The following EVL variants were observed in gnomAD, a reference collection of about 807,000 sequenced individuals.
The protein encoded by EVL is ena/VASP-like protein.
EVL carries 21 observed loss-of-function variants against 59.6 expected under a neutral mutation model. The ratio of observed to expected loss-of-function variants is 0.35; its 90% CI spans 0.25 to 0.51. The LOEUF (loss-of-function observed/expected upper bound fraction) is 0.51. Ranked by LOEUF, EVL falls within the 20% of genes least tolerant of loss-of-function variation. The probability of loss-of-function intolerance (pLI) is 0.97; values close to 1 mark genes in which losing one functional copy is unlikely to be tolerated. For missense variants in EVL, 462 were observed against 546.6 expected (o/e 0.85, Z 1.54); for synonymous variants, 198 against 203.5 (o/e 0.97, Z 0.23).
At chr14:100,031,948 A>G (rs2061320952) in intron 1 of EVL, among the ~76,000 whole-genome samples, 1 of 152,258 alleles carries the variant, frequency 6.6e-6, no homozygotes, top group Non-Finnish European at 1.5e-5. Flanking sequence ...AGCAAGGAAG[A>G]TGAGCGCCCC....
intron 2 of EVL, among the ~76,000 whole-genome samples, chr14:100,086,909 A>G (rs575889187): frequency 3.3e-5 from 5 of 152,376 alleles, no homozygotes; most frequent in East Asian, 1.9e-4. Flanking sequence ...AAACCAAGAC[A>G]TTAGAGAAAA....
chr14:100,012,505 C>G (rs1220852723), intron 1 of EVL, among the ~76,000 whole-genome samples: 1 of 152,216 alleles, frequency 6.6e-6, no homozygotes, highest in Non-Finnish European at 1.5e-5. Context: ...GCTGCACTTG[C>G]TTATTCAAAA....
chr14:100,001,821 A>C (rs968371094), intron 1 of EVL, among the ~76,000 whole-genome samples: 2 of 152,214 alleles, frequency 1.3e-5, no homozygotes, highest in African/African-American at 4.8e-5. Flanking sequence ...TTGGCTCTGT[A>C]AGTTAAGTTT....
chr14:99,973,435 C>T (rs1416466669), intron 1 of EVL, among the ~76,000 whole-genome samples: 1 of 152,168 alleles, frequency 6.6e-6, no homozygotes, highest in Non-Finnish European at 1.5e-5. Context: ...AGTGCCTGTT[C>T]AGATATCTTG....
intron 1 of EVL, among the ~76,000 whole-genome samples, chr14:100,026,761 A>G (rs938112271): frequency 1.3e-5 from 2 of 152,156 alleles, no homozygotes; most frequent in African/African-American, 4.8e-5. Context: ...CCTACCAACT[A>G]CTGCTGACAG....
chr14:100,056,898 TGATTATAAAA>T (rs576140661), intron 1 of EVL, among the ~76,000 whole-genome samples: 10,684 of 152,196 alleles, frequency 0.07, 520 homozygotes, highest in African/African-American at 0.13. Context: ...TGCCCACAAT[TGATTATAAAA>T]GATGAATAAA....
chr14:100,042,743 GA>G (rs1457071855), intron 1 of EVL, among the ~76,000 whole-genome samples: 2 of 152,188 alleles, frequency 1.3e-5, no homozygotes, highest in African/African-American at 4.8e-5. Context: ...AACGTTTGTG[GA>G]GGCTAAAGCC....
intron 1 of EVL, among the ~76,000 whole-genome samples, chr14:99,979,947 T>C (rs1467675752): frequency 6.6e-6 from 1 of 152,244 alleles, no homozygotes; most frequent in African/African-American, 2.4e-5. Flanking sequence ...TATTTTTTCT[T>C]GTCATTATCC....
chr14:99,992,244 A>G (rs1054491647), intron 1 of EVL, among the ~76,000 whole-genome samples: 104 of 152,104 alleles, frequency 6.8e-4, no homozygotes, highest in Non-Finnish European at 4.7e-4. Flanking sequence ...GGTTGTGTGT[A>G]TATCTTCTTT....
intron 1 of EVL, among the ~76,000 whole-genome samples, chr14:100,057,499 G>A (rs545728352): frequency 6.7e-6 from 1 of 148,432 alleles, no homozygotes; most frequent in African/African-American, 2.5e-5. Flanking sequence ...TTTGGAGTTT[G>A]TTTTTTTTTT....
intron 1 of EVL, among the ~76,000 whole-genome samples, chr14:100,053,406 G>A (rs2061677421): frequency 6.6e-6 from 1 of 151,726 alleles, no homozygotes; most frequent in Non-Finnish European, 1.5e-5. Flanking sequence ...ATGCTTATAC[G>A]TATTTTTCTT....
At chr14:99,995,380 C>A (rs1462678361) in intron 1 of EVL, among the ~76,000 whole-genome samples, 1 of 152,074 alleles carries the variant, frequency 6.6e-6, no homozygotes, top group Non-Finnish European at 1.5e-5. Flanking sequence ...ACTTTGAGTT[C>A]GGTGGTTCTG....
At chr14:100,019,919 T>G (rs1226185504) in intron 1 of EVL, among the ~76,000 whole-genome samples, 1 of 152,182 alleles carries the variant, frequency 6.6e-6, no homozygotes, top group Non-Finnish European at 1.5e-5. Flanking sequence ...TGATCATGGG[T>G]GAATTTGTCC....
chr14:99,996,360 T>G (rs2060914206), intron 1 of EVL, among the ~76,000 whole-genome samples: 1 of 152,168 alleles, frequency 6.6e-6, no homozygotes, highest in Non-Finnish European at 1.5e-5. Flanking sequence ...TCTGGTGTTT[T>G]CTATTCCATC....
At chr14:99,998,697 A>G in intron 1 of EVL, among the ~76,000 whole-genome samples, 1 of 152,214 alleles carries the variant, frequency 6.6e-6, no homozygotes, top group East Asian at 1.9e-4. Context: ...ACAAACATAT[A>G]TACAGATAAA....
At chr14:100,092,481 T>C (rs1595164687) in intron 2 of EVL, among the ~76,000 whole-genome samples, 1 of 151,998 alleles carries the variant, frequency 6.6e-6, no homozygotes, top group East Asian at 1.9e-4. Flanking sequence ...ACACCCATAA[T>C]CCCAACACTT....
At chr14:100,105,418 G>A (rs1016194813) in intron 3 of EVL, among the ~76,000 whole-genome samples, 1 of 152,002 alleles carries the variant, frequency 6.6e-6, no homozygotes, top group Non-Finnish European at 1.5e-5. Context: ...TCTGCTGACT[G>A]TGTGACTTCA....
At chr14:100,051,465 C>G (rs1293805672) in intron 1 of EVL, among the ~76,000 whole-genome samples, 1 of 152,174 alleles carries the variant, frequency 6.6e-6, no homozygotes. Flanking sequence ...AATCTCTTTT[C>G]CTTCTTAAAT....
chr14:99,974,978 C>G (rs1047802996), intron 1 of EVL: 1 of 152,708 alleles, frequency 6.5e-6, no homozygotes, highest in Non-Finnish European at 1.5e-5. Context: ...ATCTTCATGT[C>G]CTTGACTATG....
Sources: gnomAD v4.1 joint callset for allele counts (sites outside exome capture counted in the v4.1 genomes callset) on GRCh38, gnomAD v4.1.1 for gene constraint, MANE v1.5 for transcripts, NCBI Gene and HGNC (gene_info 2026-07-23, HGNC 2026-07-21) for gene names.